ST6GALNAC3: variants seen among roughly 807,000 people sequenced by gnomAD.
ST6GALNAC3 encodes ST6 N-acetylgalactosaminide alpha-2,6-sialyltransferase 3, also known as alpha-N-acetylgalactosaminide alpha-2,6-sialyltransferase 3.
Under a neutral mutation model 32.7 loss-of-function variants are expected in ST6GALNAC3, and 25 were observed. The ratio of observed to expected loss-of-function variants is 0.76; its 90% CI spans 0.56 to 1.07. The LOEUF (loss-of-function observed/expected upper bound fraction) is 1.07, where lower values mean the gene tolerates loss of function less well. ST6GALNAC3 is among the 50% of genes least tolerant of loss of function. The pLI, the probability that ST6GALNAC3 is intolerant of heterozygous loss-of-function variation, is 0.00. For missense variants in ST6GALNAC3, 355 were observed against 382.4 expected (o/e 0.93, Z 0.60); for synonymous variants, 129 against 133.1 (o/e 0.97, Z 0.21).
chr1:76,188,924 C>T (rs748275566), intron 1 of ST6GALNAC3, among the ~76,000 whole-genome samples: 1 of 152,058 alleles, frequency 6.6e-6, no homozygotes, highest in Non-Finnish European at 1.5e-5. Context: ...GCTCAAGGGT[C>T]CAAAGGAACT....
intron 1 of ST6GALNAC3, among the ~76,000 whole-genome samples, chr1:76,273,834 G>A (rs761621059): frequency 3.0e-4 from 46 of 152,276 alleles, no homozygotes; most frequent in Non-Finnish European, 5.7e-4. Flanking sequence ...CTATAGTTAT[G>A]TTATGGAATG....
intron 3 of ST6GALNAC3, among the ~76,000 whole-genome samples, chr1:76,492,008 A>G (rs946996249): frequency 4.6e-5 from 7 of 152,224 alleles, no homozygotes; most frequent in African/African-American, 1.4e-4. Context: ...CCTGATATGT[A>G]CATAATTAGA....
At chr1:76,272,182 T>A (rs946016041) in intron 1 of ST6GALNAC3, among the ~76,000 whole-genome samples, 1 of 151,430 alleles carries the variant, frequency 6.6e-6, no homozygotes, top group Non-Finnish European at 1.5e-5. Context: ...AAAAATCAGC[T>A]GGGTGTGGTG....
intron 1 of ST6GALNAC3, among the ~76,000 whole-genome samples, chr1:76,241,954 T>C (rs1329504706): frequency 6.6e-6 from 1 of 152,206 alleles, no homozygotes; most frequent in African/African-American, 2.4e-5. Flanking sequence ...CTAATACTTC[T>C]GAATGTGAGT....
intron 3 of ST6GALNAC3, among the ~76,000 whole-genome samples, chr1:76,619,030 C>G (rs1648471561): frequency 6.6e-6 from 1 of 151,504 alleles, no homozygotes; most frequent in South Asian, 2.1e-4. Flanking sequence ...TCTGTAGTAG[C>G]TCAAGTCTTC....
chr1:76,494,210 A>G (rs1026263236), intron 3 of ST6GALNAC3, among the ~76,000 whole-genome samples: 1 of 151,712 alleles, frequency 6.6e-6, no homozygotes, highest in Non-Finnish European at 1.5e-5. Context: ...CCTAGAATCC[A>G]TATCACCTTA....
intron 3 of ST6GALNAC3, among the ~76,000 whole-genome samples, chr1:76,594,228 T>C (rs1208685746): frequency 6.6e-6 from 1 of 152,140 alleles, no homozygotes; most frequent in East Asian, 1.9e-4. Flanking sequence ...TTTCTACATA[T>C]CCAGAACTAT....
intron 1 of ST6GALNAC3, among the ~76,000 whole-genome samples, chr1:76,096,712 A>G (rs1178075581): frequency 1.3e-5 from 2 of 151,768 alleles, no homozygotes. Flanking sequence ...AGGTGAGGAC[A>G]GAACATCGTA....
At chr1:76,419,168 A>G (rs1654856234) in intron 3 of ST6GALNAC3, among the ~76,000 whole-genome samples, 1 of 152,124 alleles carries the variant, frequency 6.6e-6, no homozygotes, top group African/African-American at 2.4e-5. Flanking sequence ...ATTTTAAAGC[A>G]AAAAGCTGTG....
At chr1:76,198,193 C>T (rs1654318220) in intron 1 of ST6GALNAC3, among the ~76,000 whole-genome samples, 1 of 152,146 alleles carries the variant, frequency 6.6e-6, no homozygotes, top group Admixed American at 6.5e-5. Context: ...TGTGCCACCA[C>T]ACCCAGCTAA....
intron 2 of ST6GALNAC3, among the ~76,000 whole-genome samples, chr1:76,409,583 C>T (rs186459755): frequency 1.1e-4 from 17 of 152,002 alleles, no homozygotes; most frequent in African/African-American, 3.6e-4. Flanking sequence ...GTAGGCAAAT[C>T]GGTACATATG....
chr1:76,605,905 A>G (rs1647511541), intron 3 of ST6GALNAC3, among the ~76,000 whole-genome samples: 1 of 150,252 alleles, frequency 6.7e-6, no homozygotes, highest in African/African-American at 2.5e-5. Context: ...GGCAAAGGAC[A>G]TGAACAGACA....
Position 76,629,405 on chromosome 1 carries a change from A to G in ST6GALNAC3, c.*599A>G, listed in dbSNP as rs754252592. Reference sequence around the variant, plus strand: ...TTGCCTAATTAACAATGAAGATTTCATGGACATCCTACACTTCAGGATTAC... The same window carrying G: ...TTGCCTAATTAACAATGAAGATTTCGTGGACATCCTACACTTCAGGATTAC... On this transcript the variant is annotated 3_prime_UTR_variant, in exon 5 of 5. Coordinates refer to ENST00000328299, the MANE Select transcript of ST6GALNAC3 (RefSeq NM_152996.4). 7 of 985,610 alleles carry G rather than the reference A, an allele frequency of 7.1e-6. No homozygotes were observed. The highest frequency in any genetic ancestry group is 8.4e-6 in the Non-Finnish European group (7 of 829,824). The allele number at this position is 985,610 out of a possible 1,614,324, so 61.1% of individuals were successfully genotyped here.
At position 76,525,761 on chromosome 1, in the gene ST6GALNAC3, G is replaced by T. The variant is rs1370283368; in HGVS notation, c.624-101691G>T. ...TGTATATATATATGTGTATATATGTGTATGTGTGTTTGTGTGTGTGTGTGT... is the reference window on the plus strand; with the variant it reads ...TGTATATATATATGTGTATATATGTTTATGTGTGTTTGTGTGTGTGTGTGT... On this transcript the variant is annotated intron_variant, in intron 3 of 4. Coordinates refer to ENST00000328299, the MANE Select transcript of ST6GALNAC3 (RefSeq NM_152996.4). 6.5e-5 allele frequency among the ~76,000 whole-genome samples: 8 copies of T among 123,326 alleles called. No individual in the cohort carries two copies. In the East Asian group the frequency reaches 1.1e-3, roughly 16 times the overall value. 80.9% of individuals were successfully genotyped at this position (123,326 alleles called of 152,430 possible). A position where few individuals can be genotyped will look rare whatever the true frequency, so the allele number is the denominator to read the frequency against.
chr1:76,603,360 G>T (rs542267027), intron 3 of ST6GALNAC3, among the ~76,000 whole-genome samples: 115 of 152,278 alleles, frequency 7.6e-4, no homozygotes, highest in African/African-American at 2.7e-3. Flanking sequence ...TGTTATGAAT[G>T]CATAAATGGA....
chr1:76,079,586 G>A (rs1282365456), intron 1 of ST6GALNAC3, among the ~76,000 whole-genome samples: 1 of 152,188 alleles, frequency 6.6e-6, no homozygotes, highest in Non-Finnish European at 1.5e-5. Context: ...GAAGCAGTTA[G>A]CTGATACGAT....
intron 3 of ST6GALNAC3, among the ~76,000 whole-genome samples, chr1:76,450,355 A>G (rs1657303394): frequency 6.6e-6 from 1 of 151,974 alleles, no homozygotes; most frequent in South Asian, 2.1e-4. Context: ...AATATGTTTG[A>G]TGTCCATTTG....
intron 2 of ST6GALNAC3, among the ~76,000 whole-genome samples, chr1:76,402,557 T>G (rs1653507290): frequency 6.6e-6 from 1 of 152,162 alleles, no homozygotes; most frequent in Non-Finnish European, 1.5e-5. Context: ...AGAATATTAT[T>G]TAGGCAGAAT....
chr1:76,277,632 ACAC>A (rs1321577541), intron 1 of ST6GALNAC3, among the ~76,000 whole-genome samples: 4 of 145,622 alleles, frequency 2.7e-5, no homozygotes, highest in Non-Finnish European at 4.5e-5. Flanking sequence ...ACACACACAC[ACAC>A]ATTTCTACAT....
Sources: gnomAD v4.1 joint callset for allele counts (sites outside exome capture counted in the v4.1 genomes callset) on GRCh38, gnomAD v4.1.1 for gene constraint, MANE v1.5 for transcripts, NCBI Gene and HGNC (gene_info 2026-07-23, HGNC 2026-07-21) for gene names.